The following CTNNA1 variants were observed in gnomAD, a reference collection of about 807,000 sequenced individuals.
CTNNA1 encodes the protein catenin alpha 1.
A neutral mutation model predicts 98.4 loss-of-function variants in CTNNA1; 37 were observed. The observed-to-expected ratio is 0.38, with a 90% CI of 0.29 to 0.49. CTNNA1 has a LOEUF of 0.49. Among genes scored for constraint, CTNNA1 ranks in the 20% least tolerant of loss-of-function variants. CTNNA1 has a pLI of 0.95. For missense variants in CTNNA1, 761 were observed against 1,147.2 expected (o/e 0.66, Z 4.86); for synonymous variants, 404 against 413.2 (o/e 0.98, Z 0.27).
intron 3 of CTNNA1, among the ~76,000 whole-genome samples, chr5:138,800,086 G>A (rs764568980): frequency 6.6e-6 from 1 of 152,026 alleles, no homozygotes; most frequent in Non-Finnish European, 1.5e-5. Context: ...TAGTAGAGAC[G>A]GGGTTTTGCC....
chr5:138,808,750 T>C (rs773339325), intron 3 of CTNNA1, among the ~76,000 whole-genome samples: 1 of 151,554 alleles, frequency 6.6e-6, no homozygotes, highest in Non-Finnish European at 1.5e-5. Flanking sequence ...TAGGCTTTAA[T>C]GTGAACTGAA....
At chr5:138,776,875 G>A (rs1399866121) in intron 1 of CTNNA1, among the ~76,000 whole-genome samples, 10 of 114,794 alleles carry the variant, frequency 8.7e-5, no homozygotes, top group Non-Finnish European at 1.5e-4. Flanking sequence ...TCCCTCCCGG[G>A]CGGGGCGGCT....
At chr5:138,760,728 C>T (rs1382429269) in intron 1 of CTNNA1, among the ~76,000 whole-genome samples, 4 of 152,124 alleles carry the variant, frequency 2.6e-5, no homozygotes, top group Non-Finnish European at 5.9e-5. Context: ...TTTTATAGCT[C>T]TTAAAATTTT....
Position 138,874,862 on chromosome 5 carries a change from G to A in CTNNA1, c.1063-11350G>A, listed in dbSNP as rs779620232. 3.9e-5 allele frequency: 61 copies of A among 1,553,320 alleles called. No homozygotes were observed. Among genetic ancestry groups the A allele is most frequent in the South Asian group, 2.7e-4 (23 of 85,964 alleles). On this transcript the variant is annotated intron_variant, in intron 7 of 17. Transcript: ENST00000302763. The surrounding 1 kb of genome is among the most constrained non-coding windows in gnomAD (Gnocchi z 4.1). ...GAATTCGGTAGCTTATTTTAAAAGC[G>A]TGATTCCTTGTTGAATGTACAAGAC...
At chr5:138,921,026 T>A (rs970629790) in intron 11 of CTNNA1, among the ~76,000 whole-genome samples, 5 of 152,174 alleles carry the variant, frequency 3.3e-5, no homozygotes, top group Non-Finnish European at 7.3e-5. Context: ...ATATGCATGA[T>A]AACCTCCAGG....
chr5:138,874,167 G>T lies in CTNNA1; in HGVS notation c.1063-12045G>T. ...AGGTCCAAATTTTGCAGGTTAATCA[G>T]TTGGGTAAAAGTTGTGTTTGGCAAG... On this transcript the variant is annotated intron_variant, in intron 7 of 17. Coordinates refer to ENST00000302763, the MANE Select transcript of CTNNA1 (RefSeq NM_001903.5). The surrounding 1 kb of genome is among the most constrained non-coding windows in gnomAD (Gnocchi z 4.1). The T allele has an allele frequency of 6.2e-7, 1 of 1,613,884 alleles. No individual in the cohort carries two copies. Among genetic ancestry groups the T allele is most frequent in the Non-Finnish European group, 8.5e-7 (1 of 1,179,782 alleles).
At chr5:138,891,287 T>C (rs982062386) in intron 9 of CTNNA1, 3 of 152,222 alleles carry the variant, frequency 2.0e-5, no homozygotes, top group African/African-American at 7.2e-5. Flanking sequence ...ATCTTTATTG[T>C]CATGTCTGTA....
intron 3 of CTNNA1, among the ~76,000 whole-genome samples, chr5:138,797,466 A>G (rs773098539): frequency 6.6e-6 from 1 of 152,166 alleles, no homozygotes; most frequent in Non-Finnish European, 1.5e-5. Context: ...AATCATTTCC[A>G]TTAATGAAGA....
intron 5 of CTNNA1, among the ~76,000 whole-genome samples, chr5:138,813,020 A>G (rs1350175952): frequency 6.6e-6 from 1 of 152,228 alleles, no homozygotes; most frequent in African/African-American, 2.4e-5. Context: ...GTTAGCTAGT[A>G]CCTTTATCAG....
chr5:138,832,579 A>C (rs1761369719), intron 7 of CTNNA1, among the ~76,000 whole-genome samples: 1 of 152,064 alleles, frequency 6.6e-6, no homozygotes, highest in African/African-American at 2.4e-5. Context: ...AGTTATTACC[A>C]TTTTTTTTCA....
At chr5:138,757,789 T>G (rs1037267295) in intron 1 of CTNNA1, among the ~76,000 whole-genome samples, 4 of 152,094 alleles carry the variant, frequency 2.6e-5, no homozygotes, top group African/African-American at 9.7e-5. Flanking sequence ...GCTTGTTGAG[T>G]GAAGGAGGAA....
chr5:138,924,457 C>T, intron 11 of CTNNA1, 53 bp from the exon 12 acceptor site: 4 of 1,583,282 alleles, frequency 2.5e-6, no homozygotes, highest in Non-Finnish European at 3.5e-6. Context: ...TTACAGTTGC[C>T]ACCTTTTCAT....
chr5:138,843,561 A>G (rs1004043168), intron 7 of CTNNA1, among the ~76,000 whole-genome samples: 3 of 152,148 alleles, frequency 2.0e-5, no homozygotes, highest in African/African-American at 7.2e-5. Flanking sequence ...GGGGATTTGT[A>G]TGGGTAAATA....
intron 10 of CTNNA1, among the ~76,000 whole-genome samples, chr5:138,913,893 C>T (rs1327133836): frequency 4.6e-5 from 7 of 152,090 alleles, no homozygotes; most frequent in Non-Finnish European, 1.0e-4. Flanking sequence ...CATGGTTACT[C>T]AGGCTGGAGT....
chr5:138,853,587 A>T (rs1426732482), intron 7 of CTNNA1, among the ~76,000 whole-genome samples: 1 of 152,134 alleles, frequency 6.6e-6, no homozygotes, highest in East Asian at 1.9e-4. Context: ...TGTTTTGGGT[A>T]AAAATGTCTT....
In CTNNA1 at chr5:138,776,921, C is replaced by T. The variant is rs1475329131; in HGVS notation, c.-2-5002C>T. Among the ~76,000 whole-genome samples, 79 of 135,194 alleles carry T rather than the reference C, an allele frequency of 5.8e-4. 1 individual carries two copies. The highest frequency in any genetic ancestry group is 2.0e-3 in the African/African-American group (70 of 34,944). 88.7% of individuals were successfully genotyped at this position (135,194 alleles called of 152,430 possible). A position where few individuals can be genotyped will look rare whatever the true frequency, so the allele number is the denominator to read the frequency against. ...GGGGCTGACCCCCCCACCTCCCTCC[C>T]GGACGGGGCGGCTGGCCGGGCGGGG... is the stretch of plus-strand genomic sequence containing the variant. On this transcript the variant is annotated intron_variant, in intron 1 of 17. Transcript: ENST00000302763.
At position 138,874,296 on chromosome 5, in the gene CTNNA1, A is replaced by G. The variant is rs374282959; in HGVS notation, c.1063-11916A>G. On this transcript the variant is annotated intron_variant, in intron 7 of 17. Coordinates refer to ENST00000302763, the MANE Select transcript of CTNNA1 (RefSeq NM_001903.5). The surrounding 1 kb of genome is among the most constrained non-coding windows in gnomAD (Gnocchi z 4.1). ...ATTTGATTGTGATCTAAGTGGAGCC[A>G]AGTAAGTTGACTGAAGCTGGCAAAT... The G allele has an allele frequency of 9.9e-6, 16 of 1,614,056 alleles. No homozygotes were observed. The highest frequency in any genetic ancestry group is 1.2e-5 in the Non-Finnish European group (14 of 1,179,904).
At chr5:138,901,577 A>T (rs1364345349) in intron 9 of CTNNA1, among the ~76,000 whole-genome samples, 1 of 152,112 alleles carries the variant, frequency 6.6e-6, no homozygotes, top group Non-Finnish European at 1.5e-5. Flanking sequence ...GGTGCGTGCC[A>T]CCACACCCAG....
intron 5 of CTNNA1, among the ~76,000 whole-genome samples, chr5:138,821,237 G>A (rs561061392): frequency 5.3e-5 from 8 of 152,264 alleles, no homozygotes; most frequent in Admixed American, 3.9e-4. Context: ...AGGATGGGTT[G>A]GCATCAACCT....
Sources: allele counts gnomAD v4.1 joint callset (sites outside exome capture counted in the v4.1 genomes callset), GRCh38; gene constraint gnomAD v4.1.1; non-coding constraint Gnocchi (gnomAD v3.1); transcripts MANE v1.5; gene names NCBI Gene and HGNC (gene_info 2026-07-23, HGNC 2026-07-21).